ROBO2: variants seen among roughly 807,000 people sequenced by gnomAD.
The protein encoded by ROBO2 is roundabout guidance receptor 2.
In ROBO2, 53 loss-of-function variants were observed where a neutral mutation model predicts 160.8. The ratio of observed to expected loss-of-function variants is 0.33; its 90% CI spans 0.26 to 0.41. The LOEUF (loss-of-function observed/expected upper bound fraction) is 0.41. ROBO2 is among the 10% of genes least tolerant of loss of function. The pLI is 1.00. For missense variants in ROBO2, 1,577 were observed against 1,722.4 expected (o/e 0.92, Z 1.49); for synonymous variants, 664 against 611.7 (o/e 1.09, Z -1.26).
At chr3:77,409,110 T>TATATAC (rs2076497486) in intron 2 of ROBO2, among the ~76,000 whole-genome samples, 1 of 148,166 alleles carries the variant, frequency 6.7e-6, no homozygotes, top group Non-Finnish European at 1.5e-5. Context: ...TATGTATATA[T>TATATAC]ATATATATAT....
rs80252852 is a variant in ROBO2 at position 76,329,165 on chromosome 3, C to A, written c.109+391563C>A. Reference sequence around the variant, plus strand: ...ACCCCAAGTCCCCCACGGAGAGACACGACAAGGTCAGGCGGCGCTACTCCT... The same window carrying A: ...ACCCCAAGTCCCCCACGGAGAGACAAGACAAGGTCAGGCGGCGCTACTCCT... On this transcript the variant is annotated intron_variant, in intron 2 of 26. Transcript: ENST00000487694. Among the ~76,000 whole-genome samples the A allele has an allele frequency of 7.4e-4, 113 of 152,112 alleles. 1 individual carries two copies. The East Asian group carries it at 0.016, about 21-fold the overall frequency.
intron 7 of ROBO2, among the ~76,000 whole-genome samples, chr3:77,547,844 G>T (rs948977153): frequency 6.6e-6 from 1 of 151,928 alleles, no homozygotes; most frequent in African/African-American, 2.4e-5. Flanking sequence ...TACAAAACAG[G>T]TTTCTACACA....
intron 17 of ROBO2, among the ~76,000 whole-genome samples, chr3:77,594,239 AC>A (rs1409665189): frequency 6.6e-6 from 1 of 152,148 alleles, no homozygotes; most frequent in Non-Finnish European, 1.5e-5. Flanking sequence ...CTGTCTCAGA[AC>A]CTCTTTGTAA....
intron 2 of ROBO2, among the ~76,000 whole-genome samples, chr3:77,381,914 C>G (rs184982071): frequency 6.6e-6 from 1 of 152,180 alleles, no homozygotes; most frequent in Non-Finnish European, 1.5e-5. Flanking sequence ...CTATGTGAAA[C>G]TTGATGCCAA....
intron 2 of ROBO2, among the ~76,000 whole-genome samples, chr3:77,217,410 T>C (rs2085123879): frequency 6.6e-6 from 1 of 152,158 alleles, no homozygotes; most frequent in Non-Finnish European, 1.5e-5. Flanking sequence ...CCCAAAGTGC[T>C]GGGATTACAG....
intron 2 of ROBO2, among the ~76,000 whole-genome samples, chr3:77,217,856 G>A (rs1368806326): frequency 3.9e-5 from 6 of 152,162 alleles, no homozygotes; most frequent in Non-Finnish European, 8.8e-5. Context: ...AGACTAAACT[G>A]TTATTTCATA....
chr3:76,949,155 T>G (rs952192082), intron 2 of ROBO2, among the ~76,000 whole-genome samples: 4 of 151,858 alleles, frequency 2.6e-5, no homozygotes, highest in African/African-American at 9.7e-5. Flanking sequence ...TGTGCTTAGT[T>G]TATAGTAAAT....
intron 2 of ROBO2, among the ~76,000 whole-genome samples, chr3:76,126,737 T>C (rs2071004806): frequency 6.6e-6 from 1 of 152,154 alleles, no homozygotes; most frequent in Non-Finnish European, 1.5e-5. Context: ...CAGTATCATG[T>C]TCAAATGATC....
chr3:77,523,302 A>G (rs2090802438), intron 6 of ROBO2, among the ~76,000 whole-genome samples: 1 of 151,420 alleles, frequency 6.6e-6, no homozygotes, highest in Non-Finnish European at 1.5e-5. Flanking sequence ...CTAGTAGCAT[A>G]CTGTTTTGAA....
intron 2 of ROBO2, among the ~76,000 whole-genome samples, chr3:76,564,526 A>C (rs571362492): frequency 6.6e-6 from 1 of 152,132 alleles, no homozygotes; most frequent in South Asian, 2.1e-4. Flanking sequence ...GTTTTCCCTC[A>C]CATTTTTATC....
At chr3:76,598,285 A>G (rs2086872095) in intron 2 of ROBO2, among the ~76,000 whole-genome samples, 1 of 152,058 alleles carries the variant, frequency 6.6e-6, no homozygotes, top group Non-Finnish European at 1.5e-5. Flanking sequence ...GGAAGGGAAG[A>G]GGAAAGTGGT....
chr3:77,120,579 G>A (rs943622152), intron 2 of ROBO2, among the ~76,000 whole-genome samples: 6 of 152,134 alleles, frequency 3.9e-5, no homozygotes, highest in Admixed American at 1.3e-4. Context: ...GCCTGACGTC[G>A]TTATGCTCAT....
chr3:76,631,502 A>G lies in ROBO2; in HGVS notation c.110-466512A>G, dbSNP rs146870074. Among the ~76,000 whole-genome samples, 3 of 152,334 alleles carry G rather than the reference A, an allele frequency of 2.0e-5. No individual in the cohort carries two copies. In the East Asian group the frequency reaches 5.8e-4, roughly 29 times the overall value. ...AGCACACAGCATTTGAGATGGATCA[A>G]AGAGGGTATTATTCAAGTTCTGAAT... On this transcript the variant is annotated intron_variant, in intron 2 of 26. Coordinates refer to the ROBO2 transcript ENST00000487694.
chr3:76,232,383 C>G (rs1704671800), intron 2 of ROBO2, among the ~76,000 whole-genome samples: 1 of 152,178 alleles, frequency 6.6e-6, no homozygotes, highest in Non-Finnish European at 1.5e-5. Flanking sequence ...TACAGATCAA[C>G]TAATTTGTTC....
At chr3:77,213,307 G>C (rs1411706960) in intron 2 of ROBO2, among the ~76,000 whole-genome samples, 1 of 152,128 alleles carries the variant, frequency 6.6e-6, no homozygotes, top group African/African-American at 2.4e-5. Context: ...TTAGTCTTGG[G>C]AGGGCGTATG....
At chr3:76,005,353 A>C (rs1420171572) in intron 2 of ROBO2, among the ~76,000 whole-genome samples, 1 of 152,216 alleles carries the variant, frequency 6.6e-6, no homozygotes, top group African/African-American at 2.4e-5. Flanking sequence ...GAGAGCAGAA[A>C]GCATCAAATA....
At chr3:77,424,349 G>A (rs2077984424) in intron 2 of ROBO2, among the ~76,000 whole-genome samples, 1 of 152,114 alleles carries the variant, frequency 6.6e-6, no homozygotes, top group Admixed American at 6.5e-5. Flanking sequence ...TTAGAAGAGT[G>A]AGCAAACAGA....
intron 2 of ROBO2, among the ~76,000 whole-genome samples, chr3:76,743,830 C>A (rs1346125179): frequency 1.3e-5 from 2 of 151,456 alleles, no homozygotes; most frequent in Non-Finnish European, 2.9e-5. Flanking sequence ...AGAGGGAAAA[C>A]CAGGAGGCAA....
intron 2 of ROBO2, among the ~76,000 whole-genome samples, chr3:75,946,395 A>T (rs1048450110): frequency 1.3e-5 from 2 of 152,110 alleles, no homozygotes; most frequent in Non-Finnish European, 2.9e-5. Context: ...GCAGTGAAGA[A>T]GGCAAAGACA....
Sources: gnomAD v4.1 joint callset for allele counts (sites outside exome capture counted in the v4.1 genomes callset) on GRCh38, gnomAD v4.1.1 for gene constraint, MANE v1.5 for transcripts, NCBI Gene and HGNC (gene_info 2026-07-23, HGNC 2026-07-21) for gene names.